The following NAV2 variants were observed in gnomAD, a reference collection of about 807,000 sequenced individuals.
NAV2 encodes the protein helicase, APC down-regulated 1.
NAV2 carries 54 observed loss-of-function variants against 223.2 expected under a neutral mutation model. The ratio of observed to expected loss-of-function variants is 0.24; its 90% CI spans 0.19 to 0.30. NAV2 has a LOEUF of 0.30. NAV2 is among the 10% of genes least tolerant of loss of function. The pLI is 1.00. For synonymous variants in NAV2, 1,279 were observed against 1,239.3 expected (o/e 1.03, Z -0.67); for missense variants, 2,806 against 3,147.5 (o/e 0.89, Z 2.60).
At chr11:19,510,099 G>A (rs1031152989) in intron 1 of NAV2, among the ~76,000 whole-genome samples, 1 of 152,156 alleles carries the variant, frequency 6.6e-6, no homozygotes, top group Non-Finnish European at 1.5e-5. Flanking sequence ...CCTTTTAAAT[G>A]GAAAACAGGG....
chr11:19,780,914 T>A (rs912975187), intron 1 of NAV2, among the ~76,000 whole-genome samples: 1 of 152,214 alleles, frequency 6.6e-6, no homozygotes, highest in Non-Finnish European at 1.5e-5. Context: ...GTTTTTGGTC[T>A]ATACTTTTCC....
chr11:19,622,568 A>C (rs1239236189), intron 1 of NAV2, among the ~76,000 whole-genome samples: 1 of 152,196 alleles, frequency 6.6e-6, no homozygotes, highest in Non-Finnish European at 1.5e-5. Flanking sequence ...ATCAGAGACT[A>C]GGATTGCAAC....
chr11:19,782,888 C>G (rs10766593), intron 1 of NAV2, among the ~76,000 whole-genome samples: 75,127 of 152,060 alleles, frequency 0.49, 21,601 homozygotes, highest in Middle Eastern at 0.68. Flanking sequence ...AGATATTTGG[C>G]TGGGCTGAGA....
intron 11 of NAV2, among the ~76,000 whole-genome samples, chr11:19,989,811 G>T (rs1257850208): frequency 6.6e-6 from 1 of 152,160 alleles, no homozygotes; most frequent in African/African-American, 2.4e-5. Flanking sequence ...CCTAATGAGT[G>T]TCCAAGCTGG....
chr11:19,801,314 C>T (rs2058241372), intron 1 of NAV2, among the ~76,000 whole-genome samples: 1 of 152,256 alleles, frequency 6.6e-6, no homozygotes, highest in South Asian at 2.1e-4. Context: ...TGCCCCTCTC[C>T]TCTTTGCACT....
intron 1 of NAV2, among the ~76,000 whole-genome samples, chr11:19,761,062 G>T (rs2152540946): frequency 6.6e-6 from 1 of 152,258 alleles, no homozygotes; most frequent in South Asian, 2.1e-4. Flanking sequence ...TGAGATGGAG[G>T]CCAGAATGAG....
At chr11:19,986,075 C>T (rs2050771404) in intron 11 of NAV2, among the ~76,000 whole-genome samples, 1 of 152,190 alleles carries the variant, frequency 6.6e-6, no homozygotes, top group African/African-American at 2.4e-5. Context: ...TTACAAGATA[C>T]AGTTTTCCTT....
intron 1 of NAV2, among the ~76,000 whole-genome samples, chr11:19,727,203 G>A (rs961554801): frequency 6.6e-6 from 1 of 152,292 alleles, no homozygotes; most frequent in Non-Finnish European, 1.5e-5. Flanking sequence ...GCAGTAATTA[G>A]AGGGCCTTGA....
At chr11:19,505,029 G>A (rs34324951) in intron 1 of NAV2, 4 of 152,390 alleles carry the variant, frequency 2.6e-5, no homozygotes, top group South Asian at 2.1e-4. Context: ...CCAAAACTTA[G>A]CCTCTTCCCA....
chr11:19,728,285 T>C (rs967290007), intron 1 of NAV2, among the ~76,000 whole-genome samples: 1 of 152,224 alleles, frequency 6.6e-6, no homozygotes, highest in African/African-American at 2.4e-5. Context: ...GCAAGCTTCA[T>C]GACTCTGGGC....
intron 1 of NAV2, chr11:19,503,719 A>G (rs2043032082): frequency 6.6e-6 from 1 of 152,216 alleles, no homozygotes; most frequent in Admixed American, 6.5e-5. Flanking sequence ...TTGGTTGCTT[A>G]CAAGTTCTGG....
At chr11:19,777,542 C>G in intron 1 of NAV2, 2 of 455,500 alleles carry the variant, frequency 4.4e-6, no homozygotes, top group Non-Finnish European at 8.8e-6. Context: ...CAGACCGCAC[C>G]CCCTGGGCGC....
At chr11:19,781,668 T>C (rs999808977) in intron 1 of NAV2, among the ~76,000 whole-genome samples, 6 of 152,008 alleles carry the variant, frequency 3.9e-5, no homozygotes, top group African/African-American at 1.4e-4. Context: ...CCTGTAGTTA[T>C]ATTGCTCCCT....
chr11:20,115,858 A>G (rs1399289878), intron 37 of NAV2, among the ~76,000 whole-genome samples: 1 of 152,164 alleles, frequency 6.6e-6, no homozygotes, highest in Non-Finnish European at 1.5e-5. Flanking sequence ...GTTTGCAGTG[A>G]GCCAAGATTG....
chr11:19,844,963 A>G (rs926585143), intron 3 of NAV2, among the ~76,000 whole-genome samples: 9 of 152,188 alleles, frequency 5.9e-5, no homozygotes, highest in African/African-American at 2.2e-4. Context: ...ATGTGAGTCC[A>G]GGAAAATGTG....
chr11:19,426,542 T>G (rs981652246), intron 1 of NAV2, among the ~76,000 whole-genome samples: 3 of 152,218 alleles, frequency 2.0e-5, no homozygotes, highest in Non-Finnish European at 2.9e-5. Context: ...ACAGTGGTTC[T>G]ACTAACAAGG....
At chr11:19,794,009 T>G (rs35665941) in intron 1 of NAV2, among the ~76,000 whole-genome samples, 1 of 151,688 alleles carries the variant, frequency 6.6e-6, no homozygotes, top group Non-Finnish European at 1.5e-5. Flanking sequence ...CATCACAAAC[T>G]GAAATCGCCT....
chr11:19,629,512 T>C (rs1185688782), intron 1 of NAV2, among the ~76,000 whole-genome samples: 3 of 146,448 alleles, frequency 2.0e-5, no homozygotes, highest in Non-Finnish European at 3.0e-5. Flanking sequence ...CACACACTCT[T>C]TGCCTCTTTC....
chr11:19,443,602 A>G (rs991685179), intron 1 of NAV2, among the ~76,000 whole-genome samples: 6 of 152,134 alleles, frequency 3.9e-5, no homozygotes, highest in South Asian at 2.1e-4. Flanking sequence ...CTTTCTTCAC[A>G]TGGGTTTTCT....
Sources: gnomAD v4.1 joint callset for allele counts (sites outside exome capture counted in the v4.1 genomes callset) on GRCh38, gnomAD v4.1.1 for gene constraint, MANE v1.5 for transcripts, NCBI Gene and HGNC (gene_info 2026-07-23, HGNC 2026-07-21) for gene names.